The following RBFOX1 variants were observed in gnomAD, a reference collection of about 807,000 sequenced individuals.
RBFOX1 encodes RNA binding protein fox-1 homolog 1.
RBFOX1 carries 8 observed loss-of-function variants against 57.7 expected under a neutral mutation model. That is an observed-to-expected ratio of 0.14 (90% CI 0.08 to 0.25). The LOEUF is 0.25. Among genes scored for constraint, RBFOX1 ranks in the 10% least tolerant of loss-of-function variants. The pLI, the probability that RBFOX1 is intolerant of heterozygous loss-of-function variation, is 1.00. For missense variants in RBFOX1, 611 were observed against 548.5 expected (o/e 1.11, Z -1.14); for synonymous variants, 326 against 222.4 (o/e 1.47, Z -4.15).
intron 1 of RBFOX1, among the ~76,000 whole-genome samples, chr16:5,424,875 T>TTTCTTTC (rs2067473338): frequency 2.5e-4 from 19 of 76,892 alleles, no homozygotes; most frequent in Admixed American, 7.7e-4. Flanking sequence ...TCTTTCTTTT[T>TTTCTTTC]TTTCTTTCTT....
At chr16:6,914,798 A>G (rs2072689747) in intron 3 of RBFOX1, among the ~76,000 whole-genome samples, 2 of 152,176 alleles carry the variant, frequency 1.3e-5, no homozygotes, top group Admixed American at 6.5e-5. Context: ...AGAAACAACA[A>G]GATCGCTGAA....
chr16:7,451,811 T>G (rs981729441), intron 4 of RBFOX1, among the ~76,000 whole-genome samples: 2 of 152,008 alleles, frequency 1.3e-5, no homozygotes, highest in African/African-American at 4.8e-5. Flanking sequence ...TGGCCAGCCC[T>G]CCTTCTCACC....
chr16:6,490,433 C>G (rs368203763), intron 2 of RBFOX1, among the ~76,000 whole-genome samples: 9 of 152,174 alleles, frequency 5.9e-5, no homozygotes, highest in Non-Finnish European at 1.2e-4. Context: ...TCTCACATCT[C>G]GAATACAAGC....
intron 4 of RBFOX1, among the ~76,000 whole-genome samples, chr16:7,369,725 C>A (rs187554710): frequency 5.1e-4 from 78 of 152,234 alleles, no homozygotes; most frequent in Non-Finnish European, 9.0e-4. Context: ...AATAGCATAC[C>A]TTTCCAACAA....
At chr16:7,003,908 T>C (rs993935148) in intron 3 of RBFOX1, 2 of 152,002 alleles carry the variant, frequency 1.3e-5, no homozygotes, top group African/African-American at 4.8e-5. Context: ...GTCAATGAAA[T>C]GGTCATTAGG....
intron 14 of RBFOX1, among the ~76,000 whole-genome samples, chr16:7,685,762 A>T (rs1239120680): frequency 1.3e-5 from 2 of 151,978 alleles, no homozygotes; most frequent in Non-Finnish European, 2.9e-5. Flanking sequence ...ACACTGTAAC[A>T]CTAACCCTCT....
intron 3 of RBFOX1, among the ~76,000 whole-genome samples, chr16:6,797,092 C>T (rs920750246): frequency 6.6e-6 from 1 of 152,102 alleles, no homozygotes. Context: ...AGTAACACAT[C>T]GATCCTCCCA....
intron 4 of RBFOX1, among the ~76,000 whole-genome samples, chr16:7,466,697 G>A (rs1031794115): frequency 8.5e-5 from 13 of 152,282 alleles, no homozygotes; most frequent in Admixed American, 3.9e-4. Flanking sequence ...CAACAGTGAC[G>A]CTTACCTGCA....
intron 4 of RBFOX1, among the ~76,000 whole-genome samples, chr16:7,331,277 G>C (rs939905413): frequency 6.6e-6 from 1 of 152,144 alleles, no homozygotes; most frequent in Admixed American, 6.5e-5. Context: ...CTCTCTCCCA[G>C]TTTCAACAAA....
intron 3 of RBFOX1, among the ~76,000 whole-genome samples, chr16:7,017,468 C>T (rs948841371): frequency 7.9e-5 from 12 of 152,288 alleles, no homozygotes; most frequent in East Asian, 1.9e-4. Context: ...CACTGACGCG[C>T]GCACACATGC....
chr16:7,032,479 C>G (rs2043061576), intron 3 of RBFOX1, among the ~76,000 whole-genome samples: 1 of 151,836 alleles, frequency 6.6e-6, no homozygotes. Context: ...AATAAAAATC[C>G]CATCTTAATT....
chr16:6,743,818 T>C (rs2072907257), intron 3 of RBFOX1, among the ~76,000 whole-genome samples: 1 of 112,806 alleles, frequency 8.9e-6, no homozygotes, highest in Admixed American at 8.2e-5. Flanking sequence ...TTCTCATGTG[T>C]TTTGACTATT....
At chr16:6,068,012 T>C (rs1171208996) in intron 1 of RBFOX1, among the ~76,000 whole-genome samples, 1 of 152,238 alleles carries the variant, frequency 6.6e-6, no homozygotes, top group Non-Finnish European at 1.5e-5. Context: ...TTTCTATCAA[T>C]ATGACCAAGA....
At chr16:7,323,667 C>T (rs553693474) in intron 4 of RBFOX1, among the ~76,000 whole-genome samples, 3 of 152,194 alleles carry the variant, frequency 2.0e-5, no homozygotes, top group Non-Finnish European at 4.4e-5. Context: ...ATGGAACAGA[C>T]TCTACTTCAT....
At chr16:6,096,883 G>A (rs2096251047) in intron 1 of RBFOX1, among the ~76,000 whole-genome samples, 1 of 152,188 alleles carries the variant, frequency 6.6e-6, no homozygotes, top group Admixed American at 6.5e-5. Context: ...CCAAGTCCCA[G>A]ACCCTTCCTC....
chr16:7,553,765 C>T (rs2087369100), intron 5 of RBFOX1, among the ~76,000 whole-genome samples: 1 of 152,166 alleles, frequency 6.6e-6, no homozygotes, highest in African/African-American at 2.4e-5. Context: ...GTAATCACAA[C>T]CCAATTTTGA....
At chr16:6,851,784 G>A (rs1222999890) in intron 3 of RBFOX1, among the ~76,000 whole-genome samples, 2 of 152,128 alleles carry the variant, frequency 1.3e-5, no homozygotes, top group Admixed American at 1.3e-4. Context: ...GGTGGCACCC[G>A]GACCCTTAAC....
intron 2 of RBFOX1, among the ~76,000 whole-genome samples, chr16:6,416,475 T>C (rs531086804): frequency 3.3e-5 from 5 of 152,254 alleles, no homozygotes; most frequent in African/African-American, 1.2e-4. Context: ...CTTCTCCTTG[T>C]CTTGTTCTTT....
chr16:6,830,322 C>T (rs1176334524), intron 3 of RBFOX1, among the ~76,000 whole-genome samples: 2 of 152,192 alleles, frequency 1.3e-5, no homozygotes, highest in Admixed American at 1.3e-4. Context: ...ACTATTATTC[C>T]TGGTTAGTTC....
Sources: allele counts gnomAD v4.1 joint callset (sites outside exome capture counted in the v4.1 genomes callset), GRCh38; gene constraint gnomAD v4.1.1; transcripts MANE v1.5; gene names NCBI Gene and HGNC (gene_info 2026-07-23, HGNC 2026-07-21).